KDM5B: variants seen among roughly 807,000 people sequenced by gnomAD.
KDM5B encodes the protein lysine-specific demethylase 5B.
Under a neutral mutation model 193.4 loss-of-function variants are expected in KDM5B, and 144 were observed. The ratio of observed to expected loss-of-function variants is 0.74; its 90% CI spans 0.65 to 0.86. KDM5B has a LOEUF of 0.86. KDM5B is among the 40% of genes least tolerant of loss of function. The probability of loss-of-function intolerance (pLI) is 0.00; values close to 1 mark genes in which losing one functional copy is unlikely to be tolerated. For missense variants in KDM5B, 1,833 were observed against 1,886.9 expected (o/e 0.97, Z 0.53); for synonymous variants, 668 against 682.6 (o/e 0.98, Z 0.33).
intron 10 of KDM5B, 131 bp from the exon 11 acceptor site, chr1:202,755,583 T>C: frequency 1.4e-6 from 1 of 692,530 alleles, no homozygotes; most frequent in Non-Finnish European, 2.4e-6. Flanking sequence ...CATGCTGACC[T>C]TCTAGGATGC....
chr1:202,748,918 A>G, intron 14 of KDM5B, 27 bp downstream of exon 14: 10 of 1,568,802 alleles, frequency 6.4e-6, no homozygotes, highest in Non-Finnish European at 8.7e-6. Context: ...CAATGACAAC[A>G]TGCAGTTGGA....
chr1:202,788,520 C>T (rs527271377), intron 1 of KDM5B, among the ~76,000 whole-genome samples: 14 of 152,222 alleles, frequency 9.2e-5, no homozygotes, highest in Non-Finnish European at 1.9e-4. Flanking sequence ...TCCTCTTTTA[C>T]CACTTTTAAT....
At chr1:202,798,246 T>G (rs1445702797) in intron 1 of KDM5B, among the ~76,000 whole-genome samples, 1 of 151,670 alleles carries the variant, frequency 6.6e-6, no homozygotes, top group Non-Finnish European at 1.5e-5. Context: ...CTAAACCAAT[T>G]GAAGGATTAT....
Position 202,750,871 on chromosome 1 carries a change from A to C in KDM5B, c.1702-93T>G, listed in dbSNP as rs976401434. 1.4e-5 allele frequency: 18 copies of C among 1,323,984 alleles called. No individual in the cohort carries two copies. In the African/African-American group the frequency reaches 2.4e-4, roughly 17 times the overall value. 82.0% of individuals were successfully genotyped at this position (1,323,984 alleles called of 1,614,324 possible). A position where few individuals can be genotyped will look rare whatever the true frequency, so the allele number is the denominator to read the frequency against. On this transcript the variant is annotated intron_variant, in intron 12 of 26. Coordinates refer to ENST00000367265, the MANE Select transcript of KDM5B (RefSeq NM_006618.5). ...GACACAGTCTATTAGATAATTTTCA[A>C]AAAAAGGCAGCTTTCTGAAATTGAG...
At chr1:202,767,515 G>A (rs894882152) in intron 4 of KDM5B, 22 of 693,870 alleles carry the variant, frequency 3.2e-5, no homozygotes, top group East Asian at 1.5e-4. Flanking sequence ...CTTGTTCCCC[G>A]GTGTGCAAGG....
intron 2 of KDM5B, 140 bp from the exon 3 acceptor site, chr1:202,774,875 A>C (rs538320321): frequency 1.5e-6 from 1 of 678,734 alleles, no homozygotes; most frequent in African/African-American, 1.8e-5. Flanking sequence ...TCTTTCAGCA[A>C]AATCATATAA....
chr1:202,784,771 GGCTCAT>G (rs1001518694), intron 1 of KDM5B, among the ~76,000 whole-genome samples: 2 of 152,212 alleles, frequency 1.3e-5, no homozygotes, highest in African/African-American at 4.8e-5. Flanking sequence ...CAGGAACGGT[GGCTCAT>G]GCCAGTAATC....
intron 20 of KDM5B, among the ~76,000 whole-genome samples, chr1:202,738,135 CA>C (rs1017631657): frequency 6.6e-6 from 1 of 151,284 alleles, no homozygotes; most frequent in Non-Finnish European, 1.5e-5. Context: ...ATATATGATG[CA>C]AAAAAAAGGT....
rs1456626620 is a variant in KDM5B, at chr1:202,753,670, T to G, written c.1539-603A>C. 5.6e-4 allele frequency among the ~76,000 whole-genome samples: 66 copies of G among 117,942 alleles called. No homozygotes were observed. In the South Asian group the frequency reaches 7.9e-3, roughly 14 times the overall value. 77.4% of individuals were successfully genotyped at this position (117,942 alleles called of 152,430 possible). On this transcript the variant is annotated intron_variant, in intron 11 of 26. Transcript: ENST00000367265. ...TTTCTCTTTTGTTGTTGTTGTTTTT[T>G]TTTTGTTTTTTTTTTTTGAGACTGA...
intron 1 of KDM5B, among the ~76,000 whole-genome samples, chr1:202,792,157 A>C (rs1184482140): frequency 6.6e-6 from 1 of 152,146 alleles, no homozygotes; most frequent in Non-Finnish European, 1.5e-5. Flanking sequence ...GATTAATTTG[A>C]AGTCAACAGG....
intron 1 of KDM5B, among the ~76,000 whole-genome samples, chr1:202,802,636 G>A (rs535119159): frequency 7.4e-4 from 113 of 152,036 alleles, no homozygotes; most frequent in Admixed American, 4.8e-3. Flanking sequence ...CAAGCGATCC[G>A]CCCACTTAGG....
chr1:202,766,164 A>G (rs899202614), intron 5 of KDM5B, among the ~76,000 whole-genome samples: 1 of 152,120 alleles, frequency 6.6e-6, no homozygotes, highest in Non-Finnish European at 1.5e-5. Flanking sequence ...GCAGTAAGCT[A>G]TGATCATGCC....
chr1:202,753,373 T>C (rs941273167), intron 11 of KDM5B, among the ~76,000 whole-genome samples: 1 of 152,076 alleles, frequency 6.6e-6, no homozygotes, highest in Non-Finnish European at 1.5e-5. Flanking sequence ...CAGGCACCTG[T>C]AATCCCAGCT....
At chr1:202,773,316 C>G in intron 3 of KDM5B, 28 bp from the exon 4 acceptor site, 2 of 1,602,172 alleles carry the variant, frequency 1.2e-6, no homozygotes, top group Non-Finnish European at 1.7e-6. Context: ...TTAGAAACAA[C>G]TATATGGAAG....
chr1:202,793,429 C>T (rs1657720684), intron 1 of KDM5B, among the ~76,000 whole-genome samples: 1 of 152,158 alleles, frequency 6.6e-6, no homozygotes, highest in Non-Finnish European at 1.5e-5. Flanking sequence ...AGCCTAAGTT[C>T]AAATCTGGCT....
chr1:202,754,441 C>T (rs924992927), intron 11 of KDM5B, among the ~76,000 whole-genome samples: 1 of 152,140 alleles, frequency 6.6e-6, no homozygotes, highest in African/African-American at 2.4e-5. Context: ...AATATCTGCA[C>T]ATCCCTCCCG....
At chr1:202,778,825 T>C (rs987468523) in intron 1 of KDM5B, among the ~76,000 whole-genome samples, 5 of 152,146 alleles carry the variant, frequency 3.3e-5, no homozygotes, top group South Asian at 2.1e-4. Context: ...TTTCACCATA[T>C]TGGTCAGGCT....
chr1:202,768,779 G>A (rs1190388786), intron 4 of KDM5B, among the ~76,000 whole-genome samples: 1 of 146,106 alleles, frequency 6.8e-6, no homozygotes, highest in Non-Finnish European at 1.5e-5. Flanking sequence ...GTGCAAAGGT[G>A]CAATCTCGGC....
At chr1:202,740,874 A>T (rs1655310021) in intron 19 of KDM5B, 62 bp from the exon 20 acceptor site, 1 of 1,497,930 alleles carries the variant, frequency 6.7e-7, no homozygotes, top group Non-Finnish European at 9.0e-7. Context: ...TCTTATGGTT[A>T]CCAAAAAAAC....
Sources: allele counts gnomAD v4.1 joint callset (sites outside exome capture counted in the v4.1 genomes callset), GRCh38; gene constraint gnomAD v4.1.1; transcripts MANE v1.5; gene names NCBI Gene and HGNC (gene_info 2026-07-23, HGNC 2026-07-21).